MIA3: variants seen among roughly 807,000 people sequenced by gnomAD.
The protein encoded by MIA3 is transport and Golgi organization protein 1 homolog.
MIA3 carries 90 observed loss-of-function variants against 192.4 expected under a neutral mutation model. That is an observed-to-expected ratio of 0.47 (90% CI 0.39 to 0.56). MIA3 has a LOEUF of 0.56. Ranked by LOEUF, MIA3 falls within the 20% of genes least tolerant of loss-of-function variation. The pLI is 0.00. For synonymous variants in MIA3, 740 were observed against 792.8 expected, an observed-to-expected ratio of 0.93 and a Z score of 1.12; for missense variants, 2,123 against 2,269.4, an observed-to-expected ratio of 0.94 and a Z score of 1.31.
At chr1:222,650,005 T>G (rs1571894393) in intron 8 of MIA3, among the ~76,000 whole-genome samples, 1 of 152,222 alleles carries the variant, frequency 6.6e-6, no homozygotes, top group Non-Finnish European at 1.5e-5. Flanking sequence ...TCAGTCACCA[T>G]CACAGAATAG....
chr1:222,622,155 C>G (rs948012233), intron 2 of MIA3, among the ~76,000 whole-genome samples: 1 of 152,100 alleles, frequency 6.6e-6, no homozygotes, highest in African/African-American at 2.4e-5. Context: ...TCCTGCTTTT[C>G]AGACACTTGT....
In MIA3 at chr1:222,637,682, TAA is replaced by T. The variant is rs1491537440; in HGVS notation, c.3477+4434_3477+4435del. On this transcript the variant is annotated intron_variant, in intron 6 of 27. Transcript: ENST00000344922. The stretch of plus-strand genomic sequence containing the variant: ...TGGTGTGTTTCTATCCAATCAAGAA[TAA>T]TTTTTTTTTTTTTTTTTTTTGGTTA... Among the ~76,000 whole-genome samples, 123 of 138,432 alleles carry T rather than the reference TAA, an allele frequency of 8.9e-4. 1 individual carries two copies. Among genetic ancestry groups the T allele is most frequent in the South Asian group, 2.5e-3 (11 of 4,384 alleles). 90.8% of individuals were successfully genotyped at this position (138,432 alleles called of 152,430 possible).
chr1:222,639,027 G>A (rs111552790), intron 6 of MIA3, among the ~76,000 whole-genome samples: 2,335 of 152,242 alleles, frequency 0.015, 58 homozygotes, highest in African/African-American at 0.053. Context: ...AGTGAACAGG[G>A]AAAGAAGAGA....
chr1:222,624,256 C>T (rs35191155), intron 2 of MIA3, among the ~76,000 whole-genome samples: 4,288 of 152,234 alleles, frequency 0.028, 214 homozygotes, highest in African/African-American at 0.097. Context: ...TTTATCAAAA[C>T]GTACACACAC....
rs1249502568 is a variant in MIA3, at chr1:222,627,828, A to G, written c.608A>G (p.Gln203Arg). ...FSENTEDLQE[Q>R]FTTQKHHSHA... is the part of the protein sequence containing the mutation. ...GAAAACACTGAGGATCTTCAGGAAC[A>G]GTTTACAACTCAGAAGCACCACTCC... The change falls in exon 4 of 28, where the codon CAG becomes CGG. Residue 203 changes from glutamine (Q) to arginine (R), a missense_variant. This residue lies in a region of MIA3 where 1,357 missense variants were observed against 1,396.1 expected (regional missense o/e 0.97). Coordinates refer to ENST00000344922, the MANE Select transcript of MIA3 (RefSeq NM_198551.4). The G allele has an allele frequency of 6.2e-7, 1 of 1,614,086 alleles. No homozygotes were observed. Among genetic ancestry groups the G allele is most frequent in the Non-Finnish European group, 8.5e-7 (1 of 1,180,018 alleles).
chr1:222,659,355 A>T (rs1663890407), intron 19 of MIA3, 98 bp from the exon 20 acceptor site: 2 of 1,034,042 alleles, frequency 1.9e-6, no homozygotes, highest in East Asian at 4.8e-5. Context: ...GATAAGCTCT[A>T]TTAGGGTACA....
intron 6 of MIA3, among the ~76,000 whole-genome samples, chr1:222,633,579 T>C (rs1233495815): frequency 6.6e-6 from 1 of 152,174 alleles, no homozygotes; most frequent in East Asian, 1.9e-4. Flanking sequence ...ATTTACCTGA[T>C]GGTAGAACAA....
rs769611570 is a variant in MIA3, at chr1:222,662,066, C to T, written c.5124C>T (p.Asp1708=). ...TATTTCTTTCTCAAGGATCAGTGGA[C>T]GGGCCTCTACCTCATCCTCGATGGT... The part of the protein sequence containing the change: ...DMPRSEFGSV[D]GPLPHPRWSA... The change falls in exon 25 of 28, where the codon GAC becomes GAT. Residue 1708 remains aspartate, a synonymous_variant. Transcript: ENST00000344922. 7.4e-6 allele frequency: 12 copies of T among 1,613,430 alleles called. No individual in the cohort carries two copies. Among genetic ancestry groups the T allele is most frequent in the Admixed American group, 5.0e-5 (3 of 59,964 alleles).
chr1:222,653,120 A>T lies in MIA3; in HGVS notation c.4199A>T (p.Asp1400Val), dbSNP rs758504855. 6.2e-7 allele frequency: 1 copy of T among 1,609,958 alleles called. No individual in the cohort carries two copies. Among genetic ancestry groups the T allele is most frequent in the East Asian group, 2.2e-5 (1 of 44,758 alleles). Residue 1400 changes from aspartate (D) to valine (V), a missense_variant, in exon 14 of 28, where the codon GAT becomes GTT. Physicochemically the swap from Asp to Val is radical, Grantham distance 152. Around this residue, in one of 3 missense-constraint regions of MIA3, gnomAD observed 762 missense variants for 856.4 expected, o/e 0.89. Coordinates refer to ENST00000344922, the MANE Select transcript of MIA3 (RefSeq NM_198551.4). ...GAAGTAGCTCTTACTCACAAGGATG[A>T]TAATATTAATGTAAGTGCGTTCATG... ...DLEVALTHKD[D>V]NINALTNCIT...
rs559980999 is a variant in MIA3, at chr1:222,626,522, T to A, written c.355-1053T>A. Among the ~76,000 whole-genome samples, 63 of 152,316 alleles carry A rather than the reference T, an allele frequency of 4.1e-4. No individual in the cohort carries two copies. In the East Asian group the frequency reaches 0.011, roughly 27 times the overall value. ...GGGGAAGAAAGTTATCTTTGTTGGT[T>A]TTTTAACTTTTCCATCATTTTATGG... is the stretch of plus-strand genomic sequence containing the variant. On this transcript the variant is annotated intron_variant, in intron 3 of 27. Coordinates refer to ENST00000344922, the MANE Select transcript of MIA3 (RefSeq NM_198551.4).
At position 222,662,039 on chromosome 1, in the gene MIA3, G is replaced by A; in HGVS notation, c.5114-17G>A. ...TCCAAAAAATACATATAAGGACTCT[G>A]TTATTTCTTTCTCAAGGATCAGTGG... On this transcript the variant is annotated splice_polypyrimidine_tract_variant and intron_variant, in intron 24 of 27. Coordinates refer to ENST00000344922, the MANE Select transcript of MIA3 (RefSeq NM_198551.4). 1 of 1,607,920 alleles carries A rather than the reference G, an allele frequency of 6.2e-7. No homozygotes were observed. Among genetic ancestry groups the A allele is most frequent in the Non-Finnish European group, 8.5e-7 (1 of 1,174,994 alleles).
intron 3 of MIA3, among the ~76,000 whole-genome samples, chr1:222,626,672 G>T (rs1024136195): frequency 4.6e-5 from 7 of 152,204 alleles, no homozygotes; most frequent in Non-Finnish European, 5.9e-5. Context: ...CTACCTTACT[G>T]AATCTTGTTT....
chr1:222,629,994 TC>T lies in MIA3; in HGVS notation c.2775del (p.Ile926Ter), dbSNP rs1558177516. 1 of 1,614,128 alleles carries T rather than the reference TC, an allele frequency of 6.2e-7. No individual in the cohort carries two copies. On this transcript the variant is annotated frameshift_variant, in exon 4 of 28. Coordinates refer to ENST00000344922, the MANE Select transcript of MIA3 (RefSeq NM_198551.4). LOFTEE classifies it high-confidence loss of function. ...AGTGACAAGAGGGAGGACTTACTTA[TC>T]ATAAGCAGCTTCTTTAAAGAACAAC... ...GHSDKREDLL[I>X]ISSFFKEQQS...
At chr1:222,663,768 C>T (rs1382425754) in intron 26 of MIA3, among the ~76,000 whole-genome samples, 1 of 152,108 alleles carries the variant, frequency 6.6e-6, no homozygotes, top group Non-Finnish European at 1.5e-5. Context: ...CTTCCATTTG[C>T]AGATGTAAGC....
chr1:222,621,025 GAA>G (rs1327676852), intron 1 of MIA3, 132 bp from the exon 2 acceptor site: 4 of 657,270 alleles, frequency 6.1e-6, no homozygotes, highest in African/African-American at 5.5e-5. Flanking sequence ...GCATATGAAA[GAA>G]ATTCCAGAGA....
chr1:222,618,134 C>A lies in MIA3; in HGVS notation c.24C>A (p.Leu8=). The A allele has an allele frequency of 6.7e-7, 1 of 1,503,680 alleles. No individual in the cohort carries two copies. Among genetic ancestry groups the A allele is most frequent in the Admixed American group, 2.0e-5 (1 of 48,846 alleles). 93.1% of individuals were successfully genotyped at this position (1,503,680 alleles called of 1,614,324 possible). MAAAPGL[L]VWLLVLRLPW... ...ACATGGCTGCGGCGCCTGGGCTGCTCGTCTGGCTGCTCGTGCTCCGGCTGC... is the reference window on the plus strand; with the variant it reads ...ACATGGCTGCGGCGCCTGGGCTGCTAGTCTGGCTGCTCGTGCTCCGGCTGC... Residue 8 remains leucine (L), a synonymous_variant, in exon 1 of 28, where the codon CTC becomes CTA. Coordinates refer to ENST00000344922, the MANE Select transcript of MIA3 (RefSeq NM_198551.4).
Position 222,667,666 on chromosome 1 carries a change from A to G in MIA3, c.*2047A>G, listed in dbSNP as rs1212995910. 6.6e-6 allele frequency: 1 copy of G among 152,236 alleles called. No homozygotes were observed. Among genetic ancestry groups the G allele is most frequent in the African/African-American group, 2.4e-5 (1 of 41,458 alleles). The allele number at this position is 152,236 out of a possible 1,614,324, so 9.4% of individuals were successfully genotyped here. A position where few individuals can be genotyped will look rare whatever the true frequency, so the allele number is the denominator to read the frequency against. On this transcript the variant is annotated 3_prime_UTR_variant, in exon 28 of 28. Transcript: ENST00000344922. ...ATCCATCTGATTGCACCATTTCTGC[A>G]GCAAACCCCAAAGCAGGGTGCCAAT...
At chr1:222,634,650 G>A (rs780160300) in intron 6 of MIA3, among the ~76,000 whole-genome samples, 10 of 152,168 alleles carry the variant, frequency 6.6e-5, no homozygotes, top group Non-Finnish European at 1.2e-4. Flanking sequence ...GTAAATTAGA[G>A]GACTAAGCAA....
chr1:222,641,377 AGGGG>A (rs1662845202), intron 6 of MIA3: 2 of 377,760 alleles, frequency 5.3e-6, no homozygotes, highest in East Asian at 1.3e-4. Flanking sequence ...GCCATGCCCA[AGGGG>A]TATCCCTCTG....
Sources: allele counts gnomAD v4.1 joint callset (sites outside exome capture counted in the v4.1 genomes callset), GRCh38; gene constraint gnomAD v4.1.1; regional missense constraint gnomAD v4.1.1; transcripts MANE v1.5; gene names NCBI Gene and HGNC (gene_info 2026-07-23, HGNC 2026-07-21).